MRPL34: variants seen among roughly 807,000 people sequenced by gnomAD.
The protein encoded by MRPL34 is mitochondrial ribosomal protein L34.
In MRPL34, 8 loss-of-function variants were observed where a neutral mutation model predicts 6.7. The observed-to-expected ratio is 1.20, with a 90% confidence interval of 0.70 to 2.16. The LOEUF (loss-of-function observed/expected upper bound fraction) is 2.16, where lower values mean the gene tolerates loss of function less well. MRPL34 is among the 30% of genes most tolerant of loss of function. The probability of loss-of-function intolerance (pLI) is 0.00; values close to 1 mark genes in which losing one functional copy is unlikely to be tolerated. For synonymous variants in MRPL34, 59 were observed against 55.1 expected (o/e 1.07, Z -0.31); for missense variants, 146 against 125.5 (o/e 1.16, Z -0.78).
upstream of MRPL34, chr19:17,302,941 C>G (rs2074127612): frequency 6.6e-6 from 1 of 152,508 alleles, no homozygotes; most frequent in Non-Finnish European, 1.5e-5. Flanking sequence ...TAAGGTAACG[C>G]ACGCCCGAGA....
chr19:17,300,327 T>G (rs1485420106), upstream of MRPL34, among the ~76,000 whole-genome samples: 1 of 151,898 alleles, frequency 6.6e-6, no homozygotes, highest in Non-Finnish European at 1.5e-5. Flanking sequence ...GCCTCAGCCC[T>G]TAAGTAGGTG....
upstream of MRPL34, chr19:17,305,666 C>A (rs1021560145): frequency 1.7e-5 from 10 of 585,858 alleles, no homozygotes; most frequent in African/African-American, 1.3e-4. Flanking sequence ...AGGCGCCGTT[C>A]GCCGGCTACC....
chr19:17,295,355 C>T lies in MRPL34; in HGVS notation c.214+2501C>T, dbSNP rs373094104. Among the ~76,000 whole-genome samples the T allele has an allele frequency of 4.4e-4, 67 of 152,220 alleles. No individual in the cohort carries two copies. The South Asian group carries it at 0.011, about 25-fold the overall frequency. ...TTCCTGACCTCAAGTGATCCATCCG[C>T]CTCGGCCTCCCAAAGTGCTGGGATT... On this transcript the variant is annotated intron_variant, in intron 1 of 2. Coordinates refer to the MRPL34 transcript ENST00000595444.
At chr19:17,299,844 C>G (rs1011027294), upstream of MRPL34, among the ~76,000 whole-genome samples, 2 of 151,482 alleles carry the variant, frequency 1.3e-5, no homozygotes, top group African/African-American at 4.9e-5. Flanking sequence ...AAACTCATCT[C>G]CAATGATCCA....
In MRPL34 at chr19:17,306,604, A is replaced by G. The variant is rs566716672; in HGVS notation, c.*225A>G. 3 of 490,402 alleles carry G rather than the reference A, an allele frequency of 6.1e-6. No individual in the cohort carries two copies. The highest frequency in any genetic ancestry group is 2.0e-5 in the African/African-American group (1 of 49,484). The allele number at this position is 490,402 out of a possible 1,614,324, so 30.4% of individuals were successfully genotyped here. ...CAACAGACCAAAGAACAGTACAAAG[A>G]ACATCCGTGTACCCAGTACCCTGAC... On this transcript the variant is annotated 3_prime_UTR_variant, in exon 2 of 2. Transcript: ENST00000252602.
chr19:17,301,212 G>T (rs1001048620), upstream of MRPL34: 4 of 1,594,366 alleles, frequency 2.5e-6, no homozygotes, highest in African/African-American at 1.3e-5. Context: ...CGCTGCCTGC[G>T]CTGCCGGGGG....
chr19:17,301,186 C>T, upstream of MRPL34: 3 of 1,605,440 alleles, frequency 1.9e-6, no homozygotes, highest in Non-Finnish European at 2.5e-6. Flanking sequence ...CCGCCCACCA[C>T]TGCCACTGCC....
chr19:17,295,371 T>G (rs572618719), intron 1 of MRPL34, among the ~76,000 whole-genome samples: 78 of 152,164 alleles, frequency 5.1e-4, no homozygotes, highest in South Asian at 1.5e-3. Context: ...CCTCCCAAAG[T>G]GCTGGGATTA....
At chr19:17,295,090 A>ACTT (rs2074087872) in intron 1 of MRPL34, among the ~76,000 whole-genome samples, 2 of 80,412 alleles carry the variant, frequency 2.5e-5, no homozygotes, top group Admixed American at 3.5e-4. Context: ...CACCCAGGTA[A>ACTT]TTTTTTTTTT....
chr19:17,298,781 C>G (rs2074104212), upstream of MRPL34, among the ~76,000 whole-genome samples: 1 of 115,446 alleles, frequency 8.7e-6, no homozygotes, highest in South Asian at 2.9e-4. Flanking sequence ...CACTCTGTTG[C>G]TCAGGCTGGA....
intron 1 of MRPL34, among the ~76,000 whole-genome samples, chr19:17,295,199 G>A (rs982806342): frequency 1.0e-3 from 147 of 140,972 alleles, no homozygotes; most frequent in African/African-American, 3.2e-3. Flanking sequence ...TCCGCTTCCC[G>A]GGTTCACGCC....
At chr19:17,299,235 C>A (rs1177794823), upstream of MRPL34, among the ~76,000 whole-genome samples, 1 of 10,810 alleles carries the variant, frequency 9.3e-5, no homozygotes, top group Non-Finnish European at 2.3e-4. Context: ...CATAATGAGA[C>A]CCCCCCCCCA....
intron 1 of MRPL34, chr19:17,292,953 C>T: frequency 1.8e-6 from 2 of 1,108,900 alleles, no homozygotes; most frequent in Non-Finnish European, 1.2e-6. Flanking sequence ...TCCCATCTAC[C>T]CTGCATCTCT....
chr19:17,297,694 G>A (rs1032911791), intron 1 of MRPL34: 4 of 150,600 alleles, frequency 2.7e-5, no homozygotes, highest in African/African-American at 9.8e-5. Flanking sequence ...TTACCTCTCA[G>A]TCTAGATTCC....
upstream of MRPL34, among the ~76,000 whole-genome samples, chr19:17,299,243 C>T (rs568501768): frequency 1.3e-5 from 2 of 148,644 alleles, no homozygotes; most frequent in Non-Finnish European, 3.0e-5. Flanking sequence ...GACCCCCCCC[C>T]CATTCTCTAT....
chr19:17,293,919 A>G (rs1346321259), intron 1 of MRPL34, among the ~76,000 whole-genome samples: 6 of 151,996 alleles, frequency 3.9e-5, no homozygotes, highest in Admixed American at 3.3e-4. Flanking sequence ...TGAACTCGCT[A>G]ATTAGAGTTT....
In MRPL34 at chr19:17,306,629, C is replaced by G; in HGVS notation, c.*250C>G. On this transcript the variant is annotated 3_prime_UTR_variant, in exon 2 of 2. Coordinates refer to ENST00000252602, the MANE Select transcript of MRPL34 (RefSeq NM_023937.4). ...AACATCCGTGTACCCAGTACCCTGA[C>G]TACCGACTACCTACAACCCGTCCCT... 1 of 370,708 alleles carries G rather than the reference C, an allele frequency of 2.7e-6. No individual in the cohort carries two copies. Among genetic ancestry groups the G allele is most frequent in the Non-Finnish European group, 4.8e-6 (1 of 206,552 alleles). 23.0% of individuals were successfully genotyped at this position (370,708 alleles called of 1,614,324 possible).
chr19:17,299,024 A>G (rs973873112), upstream of MRPL34, among the ~76,000 whole-genome samples: 2 of 152,120 alleles, frequency 1.3e-5, no homozygotes, highest in South Asian at 2.1e-4. Flanking sequence ...TTACAGGCGT[A>G]AGCCACTGCA....
chr19:17,306,105 T>A (rs1770847499), intron 1 of MRPL34, 61 bp from the exon 2 acceptor site: 1 of 1,496,966 alleles, frequency 6.7e-7, no homozygotes, highest in Non-Finnish European at 9.0e-7. Context: ...TCAGAGAGGT[T>A]GAGCGCCAAG....
Sources: gnomAD v4.1 joint callset for allele counts (sites outside exome capture counted in the v4.1 genomes callset) on GRCh38, gnomAD v4.1.1 for gene constraint, MANE v1.5 for transcripts, NCBI Gene and HGNC (gene_info 2026-07-23, HGNC 2026-07-21) for gene names.